Variants in FAM117B observed in about 807,000 individuals in gnomAD.
FAM117B encodes the protein protein FAM117B.
In FAM117B, 22 loss-of-function variants were observed where a neutral mutation model predicts 52.8. The ratio of observed to expected loss-of-function variants is 0.42; its 90% confidence interval spans 0.30 to 0.59. The LOEUF (loss-of-function observed/expected upper bound fraction) is 0.59. Among genes scored for constraint, FAM117B ranks in the 20% least tolerant of loss-of-function variants. The pLI, the probability that FAM117B is intolerant of heterozygous loss-of-function variation, is 0.22. For synonymous variants in FAM117B, 309 were observed against 324.1 expected (o/e 0.95, Z 0.50); for missense variants, 678 against 802.6 (o/e 0.84, Z 1.88).
In FAM117B at chr2:202,738,085, A is replaced by G. The variant is rs1199643825; in HGVS notation, c.960+11722A>G. On this transcript the variant is annotated intron_variant, in intron 4 of 7. Coordinates refer to ENST00000392238, the MANE Select transcript of FAM117B (RefSeq NM_173511.4). ...CCTGTTTGGTGAAGTGTCTATTCAA[A>G]TCATTTGCCTATTTTCAAATGTGGT... Among the ~76,000 whole-genome samples the G allele has an allele frequency of 2.0e-5, 3 of 152,172 alleles. No individual in the cohort carries two copies. In the East Asian group the frequency reaches 5.8e-4, roughly 29 times the overall value.
intron 4 of FAM117B, among the ~76,000 whole-genome samples, chr2:202,754,761 G>C (rs960478012): frequency 2.6e-5 from 4 of 151,368 alleles, no homozygotes; most frequent in African/African-American, 9.7e-5. Flanking sequence ...GTGGTGGCGG[G>C]TGCCTGTAGT....
At chr2:202,695,799 C>G (rs1277266828) in intron 1 of FAM117B, 82 bp from the exon 2 acceptor site, 1 of 1,429,746 alleles carries the variant, frequency 7.0e-7, no homozygotes, top group East Asian at 2.5e-5. Flanking sequence ...AGTTGGAGAA[C>G]TTTCTACATA....
At chr2:202,765,379 C>CTTTTTTTTTTTTT in intron 7 of FAM117B, 67 bp from the exon 8 acceptor site, 6 of 1,130,566 alleles carry the variant, frequency 5.3e-6, no homozygotes, top group South Asian at 1.7e-5. Flanking sequence ...TGTTTCCAAG[C>CTTTTTTTTTTTTT]TTTTTTTTTT....
At chr2:202,724,842 A>G in intron 2 of FAM117B, 75 bp from the exon 3 acceptor site, 1 of 1,040,954 alleles carries the variant, frequency 9.6e-7, no homozygotes, top group African/African-American at 1.6e-5. Context: ...AATATGTTTT[A>G]TAATAGAAAA....
intron 2 of FAM117B, among the ~76,000 whole-genome samples, chr2:202,708,539 T>C (rs912275198): frequency 1.3e-5 from 2 of 152,228 alleles, no homozygotes; most frequent in African/African-American, 4.8e-5. Flanking sequence ...TGAGTGCAGA[T>C]ACCTCTTTGA....
intron 2 of FAM117B, among the ~76,000 whole-genome samples, chr2:202,719,597 C>G (rs903326241): frequency 5.9e-5 from 9 of 152,114 alleles, no homozygotes; most frequent in African/African-American, 1.9e-4. Flanking sequence ...TGTATATGAA[C>G]AGGGACTTTT....
At chr2:202,635,868 C>T in intron 1 of FAM117B, 80 bp downstream of exon 1, 1 of 1,267,736 alleles carries the variant, frequency 7.9e-7, no homozygotes, top group Non-Finnish European at 1.0e-6. Flanking sequence ...CGCGCGGGGA[C>T]TGCAGAGCTG....
At position 202,757,288 on chromosome 2, in the gene FAM117B, A is replaced by G; in HGVS notation, c.1180A>G (p.Thr394Ala). 1 of 1,614,100 alleles carries G rather than the reference A, an allele frequency of 6.2e-7. No homozygotes were observed. The highest frequency in any genetic ancestry group is 1.1e-5 in the South Asian group (1 of 91,076). The change falls in exon 6 of 8, where the codon ACA (threonine) becomes GCA (alanine). Residue 394 changes from threonine to alanine, a missense_variant. Coordinates refer to ENST00000392238, the MANE Select transcript of FAM117B (RefSeq NM_173511.4). ...QRSSSTRSID[T>A]QTPGGADRGS... is the part of the protein sequence containing the mutation. ...AAGTAGCAGCACGCGCAGCATTGAC[A>G]CACAGACGCCTGGTGGGGCAGACAG...
intron 1 of FAM117B, among the ~76,000 whole-genome samples, chr2:202,670,807 G>T (rs1690286829): frequency 6.6e-6 from 1 of 152,198 alleles, no homozygotes; most frequent in Admixed American, 6.5e-5. Context: ...GCTGAGCCTG[G>T]TCATGTACTC....
chr2:202,695,548 A>G (rs1049846604), intron 1 of FAM117B, among the ~76,000 whole-genome samples: 5 of 152,072 alleles, frequency 3.3e-5, no homozygotes, highest in African/African-American at 2.4e-5. Flanking sequence ...TTTTTGTTTT[A>G]CTTAATGGCC....
At chr2:202,655,654 C>A (rs951395001) in intron 1 of FAM117B, among the ~76,000 whole-genome samples, 1 of 145,598 alleles carries the variant, frequency 6.9e-6, no homozygotes, top group East Asian at 2.2e-4. Context: ...TCCTTGACTG[C>A]CAAAATTTCC....
Position 202,635,238 on chromosome 2 carries a change from TG to T in FAM117B, c.56del (p.Gly19ValfsTer17), listed in dbSNP as rs1305492973. ...NGSPTPAGSL[G>X]GGAVATAGGP... ...GGTCCCCCACGCCGGCCGGCTCCCT[TG>T]GGGGTGGTGCGGTGGCCACGGCCGG... On this transcript the variant is annotated frameshift_variant, in exon 1 of 8. Transcript: ENST00000392238. LOFTEE classifies it high-confidence loss of function. 2 of 1,331,996 alleles carry T rather than the reference TG, an allele frequency of 1.5e-6. No individual in the cohort carries two copies. Among genetic ancestry groups the T allele is most frequent in the South Asian group, 1.9e-5 (1 of 52,676 alleles). The allele number at this position is 1,331,996 out of a possible 1,614,324, so 82.5% of individuals were successfully genotyped here. A position where few individuals can be genotyped will look rare whatever the true frequency, so the allele number is the denominator to read the frequency against.
chr2:202,713,877 T>A (rs1450979361), intron 2 of FAM117B, among the ~76,000 whole-genome samples: 2 of 152,172 alleles, frequency 1.3e-5, no homozygotes, highest in African/African-American at 4.8e-5. Flanking sequence ...CAACTAATTT[T>A]TGTATTTTTA....
At chr2:202,733,858 A>G (rs961568646) in intron 4 of FAM117B, among the ~76,000 whole-genome samples, 2 of 152,248 alleles carry the variant, frequency 1.3e-5, no homozygotes, top group African/African-American at 4.8e-5. Context: ...CAAAGATAAC[A>G]GGATTAAGAG....
intron 4 of FAM117B, among the ~76,000 whole-genome samples, chr2:202,745,838 A>G (rs1463096023): frequency 1.3e-5 from 2 of 152,260 alleles, no homozygotes; most frequent in African/African-American, 4.8e-5. Context: ...GTCAAAAACC[A>G]AAAAGACAAA....
chr2:202,726,721 C>T (rs186250354), intron 4 of FAM117B, among the ~76,000 whole-genome samples: 1 of 152,028 alleles, frequency 6.6e-6, no homozygotes, highest in Non-Finnish European at 1.5e-5. Context: ...TCAGTTTCCT[C>T]ATGTGAAGAT....
chr2:202,752,300 C>T (rs1691736095), intron 4 of FAM117B, among the ~76,000 whole-genome samples: 3 of 152,166 alleles, frequency 2.0e-5, no homozygotes, highest in Admixed American at 2.0e-4. Context: ...CCAACACTAA[C>T]TGAGCAGTGG....
chr2:202,693,732 A>T (rs1299991896), intron 1 of FAM117B, among the ~76,000 whole-genome samples: 1 of 152,164 alleles, frequency 6.6e-6, no homozygotes, highest in Non-Finnish European at 1.5e-5. Context: ...TTAGATCAGG[A>T]CGTGTGTATC....
intron 1 of FAM117B, among the ~76,000 whole-genome samples, 179 bp downstream of exon 1, chr2:202,635,967 A>C (rs1033461683): frequency 1.3e-5 from 2 of 150,186 alleles, no homozygotes; most frequent in Non-Finnish European, 3.0e-5. Context: ...TCCCGGGCCT[A>C]CCCTACGCCC....
Sources: gnomAD v4.1 joint callset for allele counts (sites outside exome capture counted in the v4.1 genomes callset) on GRCh38, gnomAD v4.1.1 for gene constraint, MANE v1.5 for transcripts, NCBI Gene and HGNC (gene_info 2026-07-23, HGNC 2026-07-21) for gene names.